DLC1: variants seen among roughly 807,000 people sequenced by gnomAD.
DLC1 encodes rho GTPase-activating protein 7.
DLC1 carries 54 observed loss-of-function variants against 140.3 expected under a neutral mutation model. The observed-to-expected ratio is 0.38, with a 90% CI of 0.31 to 0.48. The LOEUF (loss-of-function observed/expected upper bound fraction) is 0.48, where lower values mean the gene tolerates loss of function less well. Ranked by LOEUF, DLC1 falls within the 20% of genes least tolerant of loss-of-function variation. The pLI, the probability that DLC1 is intolerant of heterozygous loss-of-function variation, is 0.96. For synonymous variants in DLC1, 986 were observed against 728.1 expected, an observed-to-expected ratio of 1.35 and a Z score of -5.70; for missense variants, 2,536 against 1,907.0, an observed-to-expected ratio of 1.33 and a Z score of -6.14.
chr8:13,258,175 A>C (rs1282493905), intron 5 of DLC1, among the ~76,000 whole-genome samples: 1 of 152,194 alleles, frequency 6.6e-6, no homozygotes, highest in African/African-American at 2.4e-5. Flanking sequence ...GAAGATTAAC[A>C]GTCTAAGCGT....
intron 5 of DLC1, among the ~76,000 whole-genome samples, chr8:13,157,391 CAT>C (rs1160804730): frequency 1.3e-5 from 2 of 152,072 alleles, no homozygotes; most frequent in African/African-American, 2.4e-5. Context: ...CAGGGAAGAA[CAT>C]GTGTTTTTGT....
At chr8:13,488,672 TG>T (rs1220091584) in intron 2 of DLC1, among the ~76,000 whole-genome samples, 5 of 152,220 alleles carry the variant, frequency 3.3e-5, no homozygotes, top group Non-Finnish European at 7.3e-5. Context: ...GCCCAAATTC[TG>T]GCGATCTGAA....
At chr8:13,596,894 T>G (rs965582968) in intron 1 of DLC1, among the ~76,000 whole-genome samples, 15 of 152,028 alleles carry the variant, frequency 9.9e-5, no homozygotes, top group African/African-American at 3.4e-4. Context: ...ACAATTGTTC[T>G]ATATTATTAA....
At chr8:13,254,552 AGCTAATGCCACAGG>A (rs1420727003) in intron 5 of DLC1, among the ~76,000 whole-genome samples, 1 of 152,206 alleles carries the variant, frequency 6.6e-6, no homozygotes, top group African/African-American at 2.4e-5. Flanking sequence ...TAATAAACCA[AGCTAATGCCACAGG>A]GCTTATCTTT....
rs34886200 is a variant in DLC1, at chr8:13,122,802, GA to G, written c.1349-7146del. Among the ~76,000 whole-genome samples the G allele has an allele frequency of 9.3e-3, 1,122 of 120,658 alleles. 6 individuals carry two copies. Among genetic ancestry groups the G allele is most frequent in the Non-Finnish European group, 0.014 (761 of 55,444 alleles). The allele number at this position is 120,658 out of a possible 152,430, so 79.2% of individuals were successfully genotyped here. On this transcript the variant is annotated intron_variant, in intron 5 of 17. Coordinates refer to ENST00000276297, the MANE Select transcript of DLC1 (RefSeq NM_182643.3). Reference sequence around the variant, plus strand: ...TCCAAACATCTGCTATGCATAGTCTGAAAAAAAAAAAAAAAACAAGAAGCTT... The same window carrying G: ...TCCAAACATCTGCTATGCATAGTCTGAAAAAAAAAAAAAAACAAGAAGCTT...
chr8:13,383,903 C>T (rs1036127658), intron 4 of DLC1, among the ~76,000 whole-genome samples: 4 of 152,146 alleles, frequency 2.6e-5, no homozygotes, highest in Non-Finnish European at 4.4e-5. Flanking sequence ...TGCAGCCTCA[C>T]GAAAGACCCA....
chr8:13,257,422 G>A (rs1830281914), intron 5 of DLC1, among the ~76,000 whole-genome samples: 1 of 128,732 alleles, frequency 7.8e-6, no homozygotes, highest in Non-Finnish European at 1.6e-5. Context: ...GGGTGACAGA[G>A]CAATACCCTG....
intron 5 of DLC1, among the ~76,000 whole-genome samples, chr8:13,242,135 A>G (rs1038801548): frequency 3.3e-5 from 5 of 152,160 alleles, no homozygotes; most frequent in Admixed American, 1.3e-4. Context: ...TGAGTAAGGC[A>G]GTAATGTCCT....
chr8:13,405,461 C>A (rs559829605), intron 2 of DLC1, among the ~76,000 whole-genome samples: 1 of 152,112 alleles, frequency 6.6e-6, no homozygotes, highest in South Asian at 2.1e-4. Flanking sequence ...CCAAATAATT[C>A]GGAAATATAA....
intron 5 of DLC1, among the ~76,000 whole-genome samples, chr8:13,135,276 G>T (rs960022219): frequency 2.0e-5 from 3 of 150,680 alleles, no homozygotes; most frequent in Admixed American, 6.6e-5. Flanking sequence ...ACGATCTCGG[G>T]TTCACGCCAT....
intron 5 of DLC1, among the ~76,000 whole-genome samples, chr8:13,262,759 A>G (rs1397097507): frequency 1.3e-5 from 2 of 152,210 alleles, no homozygotes; most frequent in Non-Finnish European, 2.9e-5. Flanking sequence ...ACATTCAAAC[A>G]TAATGAAGTG....
intron 2 of DLC1, among the ~76,000 whole-genome samples, chr8:13,427,147 C>G (rs960459350): frequency 1.3e-5 from 2 of 152,122 alleles, no homozygotes; most frequent in Non-Finnish European, 2.9e-5. Flanking sequence ...GCTCTTGGCT[C>G]TCTCCCTGCC....
At chr8:13,399,885 C>A (rs1355948882) in intron 3 of DLC1, among the ~76,000 whole-genome samples, 1 of 152,080 alleles carries the variant, frequency 6.6e-6, no homozygotes, top group South Asian at 2.1e-4. Context: ...CACTTTGTGT[C>A]TTGTTCTTCC....
chr8:13,561,520 C>G (rs1585276306), intron 1 of DLC1, among the ~76,000 whole-genome samples: 2 of 152,090 alleles, frequency 1.3e-5, no homozygotes, highest in South Asian at 2.1e-4. Flanking sequence ...TAATGCAAAA[C>G]TGGGTAAAGT....
chr8:13,098,133 GA>G (rs1818669835), intron 10 of DLC1, among the ~76,000 whole-genome samples: 1 of 151,756 alleles, frequency 6.6e-6, no homozygotes, highest in African/African-American at 2.4e-5. Context: ...CCTCAGGTGG[GA>G]GAATCGCTAG....
chr8:13,228,485 G>C (rs750167403), intron 5 of DLC1, among the ~76,000 whole-genome samples: 2 of 152,142 alleles, frequency 1.3e-5, no homozygotes, highest in Non-Finnish European at 2.9e-5. Context: ...GCTCACATTT[G>C]TAACCCCAAC....
intron 4 of DLC1, among the ~76,000 whole-genome samples, chr8:13,331,379 T>C (rs1270109816): frequency 2.0e-5 from 3 of 152,148 alleles, no homozygotes; most frequent in Admixed American, 2.0e-4. Flanking sequence ...GAGAACAAGT[T>C]CTAAGCTGAA....
intron 5 of DLC1, among the ~76,000 whole-genome samples, chr8:13,122,988 G>A (rs745637915): frequency 6.4e-4 from 98 of 152,010 alleles, no homozygotes; most frequent in Non-Finnish European, 1.0e-3. Context: ...CCAACTAGGC[G>A]TACTGCCAGC....
intron 5 of DLC1, among the ~76,000 whole-genome samples, chr8:13,228,468 C>T (rs1409013607): frequency 6.6e-6 from 1 of 152,012 alleles, no homozygotes; most frequent in East Asian, 1.9e-4. Flanking sequence ...AAGGGTCAGG[C>T]GTGATGGCTC....
Sources: allele counts gnomAD v4.1 joint callset (sites outside exome capture counted in the v4.1 genomes callset), GRCh38; gene constraint gnomAD v4.1.1; transcripts MANE v1.5; gene names NCBI Gene and HGNC (gene_info 2026-07-23, HGNC 2026-07-21).